Variants in GBE1 observed in about 807,000 individuals in gnomAD.
GBE1 encodes the protein 1,4-alpha-glucan-branching enzyme.
A neutral mutation model predicts 88.8 loss-of-function variants in GBE1; 70 were observed. That is an observed-to-expected ratio of 0.79 (90% confidence interval 0.65 to 0.96). The LOEUF (loss-of-function observed/expected upper bound fraction) is 0.96, where lower values mean the gene tolerates loss of function less well. Among genes scored for constraint, GBE1 ranks in the 40% least tolerant of loss-of-function variants. The pLI, the probability that GBE1 is intolerant of heterozygous loss-of-function variation, is 0.00. For synonymous variants in GBE1, 284 were observed against 300.1 expected (o/e 0.95, Z 0.56); for missense variants, 872 against 871.0 (o/e 1.00, Z -0.01).
At chr3:81,664,071 AT>A (rs1363057834) in intron 3 of GBE1, among the ~76,000 whole-genome samples, 1 of 152,158 alleles carries the variant, frequency 6.6e-6, no homozygotes, top group Non-Finnish European at 1.5e-5. Context: ...TTTAAAATTT[AT>A]TTTTTATAAG....
At chr3:81,678,599 T>C (rs773315704) in intron 2 of GBE1, among the ~76,000 whole-genome samples, 5 of 152,146 alleles carry the variant, frequency 3.3e-5, no homozygotes, top group Non-Finnish European at 5.9e-5. Flanking sequence ...AAGGGATTGA[T>C]AAATATTCTT....
intron 2 of GBE1, among the ~76,000 whole-genome samples, chr3:81,680,653 A>C (rs532675810): frequency 6.6e-6 from 1 of 152,308 alleles, no homozygotes; most frequent in Non-Finnish European, 1.5e-5. Context: ...TTATGGACTG[A>C]AAGTTTGTAT....
At chr3:81,524,447 T>A (rs1702917020) in intron 14 of GBE1, among the ~76,000 whole-genome samples, 1 of 151,936 alleles carries the variant, frequency 6.6e-6, no homozygotes, top group Non-Finnish European at 1.5e-5. Flanking sequence ...GTCTCTTCCC[T>A]GTTTCCTTTG....
chr3:81,612,756 G>A (rs573340405), intron 7 of GBE1: 1 of 448,772 alleles, frequency 2.2e-6, no homozygotes, highest in Non-Finnish European at 4.3e-6. Context: ...GCCTGCAGGA[G>A]CAGATGTCTC....
chr3:81,490,091 A>C lies in GBE1; in HGVS notation c.*316T>G, dbSNP rs1576117317. On this transcript the variant is annotated 3_prime_UTR_variant, in exon 16 of 16. Coordinates refer to ENST00000429644, the MANE Select transcript of GBE1 (RefSeq NM_000158.4). ...TACATGACAAATGATTCAAATTTGA[A>C]TTTAAAAGGATCAAATAATTAGCCA... The C allele has an allele frequency of 3.6e-6, 1 of 276,134 alleles. No individual in the cohort carries two copies. Among genetic ancestry groups the C allele is most frequent in the Non-Finnish European group, 6.7e-6 (1 of 148,336 alleles). 17.1% of individuals were successfully genotyped at this position (276,134 alleles called of 1,614,324 possible). A position where few individuals can be genotyped will look rare whatever the true frequency, so the allele number is the denominator to read the frequency against.
intron 12 of GBE1, among the ~76,000 whole-genome samples, chr3:81,565,499 G>A (rs543676917): frequency 2.6e-5 from 4 of 152,246 alleles, no homozygotes; most frequent in East Asian, 1.9e-4. Flanking sequence ...CTAATGTAGC[G>A]ATCAACAAAT....
chr3:81,532,441 T>C (rs1224691191), intron 14 of GBE1, among the ~76,000 whole-genome samples: 1 of 152,070 alleles, frequency 6.6e-6, no homozygotes, highest in Non-Finnish European at 1.5e-5. Flanking sequence ...TTCAAACAGA[T>C]TCTGAGTTCC....
At chr3:81,625,675 T>G (rs989556827) in intron 7 of GBE1, among the ~76,000 whole-genome samples, 5 of 152,086 alleles carry the variant, frequency 3.3e-5, no homozygotes, top group African/African-American at 1.2e-4. Flanking sequence ...CTCCAGTGCT[T>G]AAGTGATTCT....
At chr3:81,759,189 G>A (rs1439437837) in intron 1 of GBE1, among the ~76,000 whole-genome samples, 2 of 152,234 alleles carry the variant, frequency 1.3e-5, no homozygotes, top group East Asian at 3.9e-4. Flanking sequence ...TAATACAGAA[G>A]GGGAAAAGGC....
chr3:81,611,730 G>A (rs1338498741), intron 7 of GBE1, among the ~76,000 whole-genome samples: 2 of 152,090 alleles, frequency 1.3e-5, no homozygotes, highest in African/African-American at 4.8e-5. Context: ...TTTAGGATGA[G>A]AATTGTCTAT....
At chr3:81,657,840 T>C (rs1704964136) in intron 3 of GBE1, among the ~76,000 whole-genome samples, 1 of 152,152 alleles carries the variant, frequency 6.6e-6, no homozygotes, top group Admixed American at 6.5e-5. Context: ...CATATGCATA[T>C]AAAATCATCC....
chr3:81,649,726 T>A, intron 4 of GBE1, 70 bp downstream of exon 4: 10 of 1,339,494 alleles, frequency 7.5e-6, no homozygotes, highest in Non-Finnish European at 1.0e-5. Context: ...CTATAAAAGT[T>A]ATAAAAGTAA....
chr3:81,549,637 A>G (rs1703247820), intron 12 of GBE1, among the ~76,000 whole-genome samples: 1 of 151,428 alleles, frequency 6.6e-6, no homozygotes, highest in African/African-American at 2.4e-5. Flanking sequence ...AATTTATCCA[A>G]CTCATAGATG....
At chr3:81,673,705 T>G (rs1365336991) in intron 2 of GBE1, among the ~76,000 whole-genome samples, 1 of 151,962 alleles carries the variant, frequency 6.6e-6, no homozygotes, top group Non-Finnish European at 1.5e-5. Flanking sequence ...CTATGTCGCA[T>G]TTTTCTTTTA....
At chr3:81,529,463 T>C (rs992260217) in intron 14 of GBE1, among the ~76,000 whole-genome samples, 11 of 152,082 alleles carry the variant, frequency 7.2e-5, no homozygotes, top group African/African-American at 2.4e-4. Context: ...AAAACTGAAG[T>C]ACTCCCTTTA....
chr3:81,759,261 T>G (rs1022926078), intron 1 of GBE1, among the ~76,000 whole-genome samples: 1 of 152,150 alleles, frequency 6.6e-6, no homozygotes, highest in Non-Finnish European at 1.5e-5. Context: ...AAATTTCAAA[T>G]CAAAAGATAT....
intron 1 of GBE1, among the ~76,000 whole-genome samples, chr3:81,755,067 A>T (rs540777722): frequency 6.6e-6 from 1 of 152,292 alleles, no homozygotes; most frequent in East Asian, 1.9e-4. Context: ...AAATATCTGC[A>T]AACTATCAGA....
In GBE1 at chr3:81,750,646, TATATATATATATGTATATATATATATAC is replaced by T. The variant is rs1559708861; in HGVS notation, c.143+10701_143+10728del. On this transcript the variant is annotated intron_variant, in intron 1 of 15. Coordinates refer to ENST00000429644, the MANE Select transcript of GBE1 (RefSeq NM_000158.4). ...ATATATATACGTATATATATATATG[TATATATATATATGTATATATATATATAC>T]GTATATATATATATATATATGTATT... Among the ~76,000 whole-genome samples, 200 of 39,670 alleles carry T rather than the reference TATATATATATATGTATATATATATATAC, an allele frequency of 5.0e-3. 20 individuals are homozygous for T. Among genetic ancestry groups the T allele is most frequent in the Admixed American group, 0.019 (49 of 2,568 alleles). The allele number at this position is 39,670 out of a possible 152,430, so 26.0% of individuals were successfully genotyped here.
At position 81,701,711 on chromosome 3, in the gene GBE1, T is replaced by C. The variant is rs574798933; in HGVS notation, c.313+3733A>G. 8.5e-5 allele frequency among the ~76,000 whole-genome samples: 13 copies of C among 152,182 alleles called. No homozygotes were observed. In the East Asian group the frequency reaches 2.1e-3, roughly 25 times the overall value. On this transcript the variant is annotated intron_variant, in intron 2 of 15. Transcript: ENST00000429644. ...CTGTGTTTTCAAACTCTAAATCCCA[T>C]CATTTTTTATTTTACACACCAATTC...
Sources: gnomAD v4.1 joint callset for allele counts (sites outside exome capture counted in the v4.1 genomes callset) on GRCh38, gnomAD v4.1.1 for gene constraint, MANE v1.5 for transcripts, NCBI Gene and HGNC (gene_info 2026-07-23, HGNC 2026-07-21) for gene names.